Variants in MEIS2 observed in about 807,000 individuals in gnomAD.
MEIS2 encodes homeobox protein Meis2.
In MEIS2, 9 loss-of-function variants were observed where a neutral mutation model predicts 58.6. The ratio of observed to expected loss-of-function variants is 0.15; its 90% CI spans 0.09 to 0.27. The LOEUF (loss-of-function observed/expected upper bound fraction) is 0.27, where lower values mean the gene tolerates loss of function less well. Among genes scored for constraint, MEIS2 ranks in the 10% least tolerant of loss-of-function variants. MEIS2 has a pLI of 1.00. For synonymous variants in MEIS2, 221 were observed against 228.4 expected, an observed-to-expected ratio of 0.97 and a Z score of 0.29; for missense variants, 427 against 635.0, an observed-to-expected ratio of 0.67 and a Z score of 3.52.
intron 7 of MEIS2, among the ~76,000 whole-genome samples, chr15:37,055,249 CA>C (rs2063090986): frequency 6.6e-6 from 1 of 152,130 alleles, no homozygotes; most frequent in Non-Finnish European, 1.5e-5. Flanking sequence ...CAACTTAAGA[CA>C]ATAGGAAATA....
intron 7 of MEIS2, among the ~76,000 whole-genome samples, chr15:37,057,580 C>T (rs1189830953): frequency 1.3e-5 from 2 of 152,196 alleles, no homozygotes; most frequent in South Asian, 2.1e-4. Context: ...AAGGGCTCAA[C>T]GGGGCCTCCT....
At chr15:37,072,004 C>T (rs1890772577) in intron 7 of MEIS2, among the ~76,000 whole-genome samples, 1 of 152,050 alleles carries the variant, frequency 6.6e-6, no homozygotes, top group African/African-American at 2.4e-5. Context: ...AGGGAGAGAC[C>T]TGCATGTTAC....
chr15:36,904,763 C>T (rs1376386603), intron 9 of MEIS2, among the ~76,000 whole-genome samples: 2 of 151,936 alleles, frequency 1.3e-5, no homozygotes, highest in African/African-American at 2.4e-5. Flanking sequence ...ATCAAAGATG[C>T]TATAATGTTG....
chr15:37,074,489 A>G (rs1304448767), intron 7 of MEIS2, among the ~76,000 whole-genome samples: 2 of 152,076 alleles, frequency 1.3e-5, no homozygotes, highest in African/African-American at 2.4e-5. Context: ...CCATGAATGG[A>G]AACATTAGAT....
Position 37,096,378 on chromosome 15 carries a change from T to G in MEIS2, c.298A>C (p.Thr100Pro). Reference sequence around the variant, plus strand: ...ACTCCAGGTTCCCGGGGAGTGCAGGTCGCCAGCTCGCACTTCTCAAAGACC... The same window carrying G: ...ACTCCAGGTTCCCGGGGAGTGCAGGGCGCCAGCTCGCACTTCTCAAAGACC... ...ALVFEKCELA[T>P]CTPREPGVAG... Residue 100 changes from threonine to proline, a missense_variant, in exon 3 of 12, where the codon ACC (threonine) becomes CCC (proline). Coordinates refer to ENST00000561208, the MANE Select transcript of MEIS2 (RefSeq NM_170675.5). 1 of 1,613,846 alleles carries G rather than the reference T, an allele frequency of 6.2e-7. No homozygotes were observed. The highest frequency in any genetic ancestry group is 8.5e-7 in the Non-Finnish European group (1 of 1,179,944).
At chr15:37,080,241 C>T (rs1198601355) in intron 7 of MEIS2, among the ~76,000 whole-genome samples, 2 of 152,026 alleles carry the variant, frequency 1.3e-5, no homozygotes, top group South Asian at 2.1e-4. Context: ...ATTGTTCAAA[C>T]CAGGAAAAAT....
chr15:37,099,129 G>A, intron 1 of MEIS2: 1 of 1,095,636 alleles, frequency 9.1e-7, no homozygotes, highest in Non-Finnish European at 1.1e-6. Flanking sequence ...CGCGCTGCTG[G>A]GGTAAAAGCT....
intron 8 of MEIS2, among the ~76,000 whole-genome samples, chr15:36,953,509 T>C (rs1295953320): frequency 6.6e-6 from 1 of 152,212 alleles, no homozygotes; most frequent in Non-Finnish European, 1.5e-5. Flanking sequence ...TCTAGTCCAG[T>C]GGCCCAGAGG....
At chr15:36,992,761 T>C (rs1213579037) in intron 8 of MEIS2, among the ~76,000 whole-genome samples, 1 of 150,650 alleles carries the variant, frequency 6.6e-6, no homozygotes, top group Non-Finnish European at 1.5e-5. Flanking sequence ...TTGCAAACAA[T>C]CTGGAAAGGA....
intron 8 of MEIS2, among the ~76,000 whole-genome samples, chr15:36,979,205 A>C (rs2059852876): frequency 6.6e-6 from 1 of 152,210 alleles, no homozygotes; most frequent in African/African-American, 2.4e-5. Flanking sequence ...TATTTAAAAC[A>C]TTGTATAAAA....
intron 7 of MEIS2, among the ~76,000 whole-genome samples, chr15:37,072,073 C>T (rs1890779535): frequency 1.3e-5 from 2 of 152,074 alleles, no homozygotes; most frequent in South Asian, 4.1e-4. Flanking sequence ...TCCCCTCCAA[C>T]TCTACTGCCA....
intron 9 of MEIS2, among the ~76,000 whole-genome samples, chr15:36,916,374 C>G (rs1017442647): frequency 6.7e-6 from 1 of 149,062 alleles, no homozygotes; most frequent in African/African-American, 2.5e-5. Context: ...TTGCAGTGAG[C>G]TGAGACCGCA....
chr15:36,934,021 T>C (rs2058075320), intron 9 of MEIS2, among the ~76,000 whole-genome samples: 1 of 152,360 alleles, frequency 6.6e-6, no homozygotes, highest in African/African-American at 2.4e-5. Context: ...ATCACATAAA[T>C]GCATTAGGGC....
intron 7 of MEIS2, among the ~76,000 whole-genome samples, chr15:37,056,402 T>C (rs879295565): frequency 2.0e-5 from 3 of 152,182 alleles, no homozygotes; most frequent in Admixed American, 6.5e-5. Context: ...ATGAGCATAA[T>C]TTAAGAGGTG....
At chr15:36,988,772 C>T (rs1248922814) in intron 8 of MEIS2, among the ~76,000 whole-genome samples, 1 of 152,162 alleles carries the variant, frequency 6.6e-6, no homozygotes, top group Admixed American at 6.5e-5. Context: ...CAAGATTTGG[C>T]AGTTCCCCCA....
intron 8 of MEIS2, among the ~76,000 whole-genome samples, chr15:37,010,118 T>C (rs2061081011): frequency 6.6e-6 from 1 of 152,064 alleles, no homozygotes; most frequent in Non-Finnish European, 1.5e-5. Context: ...GACAGAATCT[T>C]GTTCTGTTGC....
intron 8 of MEIS2, among the ~76,000 whole-genome samples, chr15:36,968,028 T>C (rs2059412544): frequency 6.6e-6 from 1 of 152,242 alleles, no homozygotes; most frequent in Admixed American, 6.5e-5. Context: ...GAAGAAACTT[T>C]ACATGCTGAG....
At chr15:37,023,911 CTT>C (rs35244111) in intron 8 of MEIS2, among the ~76,000 whole-genome samples, 13,148 of 101,394 alleles carry the variant, frequency 0.13, 757 homozygotes, top group Admixed American at 0.25. Context: ...TTTTCTCTCT[CTT>C]TTTTTTTTTT....
chr15:36,924,991 G>C (rs2057684255), intron 9 of MEIS2, among the ~76,000 whole-genome samples: 1 of 152,020 alleles, frequency 6.6e-6, no homozygotes, highest in East Asian at 1.9e-4. Context: ...TTCTTCCTGC[G>C]CATCAGCACT....
Sources: allele counts gnomAD v4.1 joint callset (sites outside exome capture counted in the v4.1 genomes callset), GRCh38; gene constraint gnomAD v4.1.1; transcripts MANE v1.5; gene names NCBI Gene and HGNC (gene_info 2026-07-23, HGNC 2026-07-21).